The following MAN1A2 variants were observed in gnomAD, a reference collection of about 807,000 sequenced individuals.
MAN1A2 encodes the protein mannosyl-oligosaccharide 1,2-alpha-mannosidase IB.
In MAN1A2, 26 loss-of-function variants were observed where a neutral mutation model predicts 75.7. That is an observed-to-expected ratio of 0.34 (90% CI 0.25 to 0.48). MAN1A2 has a LOEUF of 0.48. MAN1A2 is among the 20% of genes least tolerant of loss of function. The probability of loss-of-function intolerance (pLI) is 0.99; values close to 1 mark genes in which losing one functional copy is unlikely to be tolerated. For synonymous variants in MAN1A2, 247 were observed against 264.6 expected (o/e 0.93, Z 0.65); for missense variants, 562 against 775.5 (o/e 0.72, Z 3.27).
chr1:117,414,047 C>T lies in MAN1A2; in HGVS notation c.656-666C>T, dbSNP rs1392855968. On this transcript the variant is annotated intron_variant, in intron 3 of 12. Transcript: ENST00000356554. ...TCCTCCCTTTCTCTCTTGCTTTCTT[C>T]CCCTCAGAACATTTTTTTAATGATA... is the stretch of plus-strand genomic sequence containing the variant. Among the ~76,000 whole-genome samples the T allele has an allele frequency of 4.0e-5, 6 of 151,618 alleles. No homozygotes were observed. In the South Asian group the frequency reaches 1.0e-3, roughly 26 times the overall value.
Position 117,528,633 on chromosome 1 carries a change from T to C in MAN1A2, c.*5676T>C, listed in dbSNP as rs1305307410. The C allele has an allele frequency of 6.6e-6, 1 of 152,106 alleles. No individual in the cohort carries two copies. The highest frequency in any genetic ancestry group is 6.6e-5 in the Admixed American group (1 of 15,250). The allele number at this position is 152,106 out of a possible 1,614,324, so 9.4% of individuals were successfully genotyped here. Reference sequence around the variant, plus strand: ...TAGAAGTTTTTGCTGAATTAAAGTATCTTCAATTTTAATTACTGGATTTGG... The same window carrying C: ...TAGAAGTTTTTGCTGAATTAAAGTACCTTCAATTTTAATTACTGGATTTGG... On this transcript the variant is annotated 3_prime_UTR_variant, in exon 13 of 13. Transcript: ENST00000356554.
At chr1:117,478,686 A>G (rs1650396955) in intron 8 of MAN1A2, among the ~76,000 whole-genome samples, 1 of 151,928 alleles carries the variant, frequency 6.6e-6, no homozygotes, top group Non-Finnish European at 1.5e-5. Context: ...TTTTCACTGC[A>G]TTGCCTTTGC....
Position 117,368,242 on chromosome 1 carries a change from G to C in MAN1A2, c.59G>C (p.Gly20Ala). The change falls in exon 1 of 13, where the codon GGG becomes GCG. Residue 20 changes from glycine (G) to alanine (A), a missense_variant. By Grantham distance (60) the Gly-to-Ala change is moderately conservative. This residue lies in a region of MAN1A2 where 128 missense variants were observed against 129.8 expected (regional missense o/e 0.99). Coordinates refer to ENST00000356554, the MANE Select transcript of MAN1A2 (RefSeq NM_006699.5). Reference protein sequence around the residue: ...SGRRIPPLNLGPPSFPHHRAT... With the variant: ...SGRRIPPLNLAPPSFPHHRAT... ...CGTAGGATACCACCTCTGAACCTGG[G>C]GCCGCCTTCCTTCCCACATCACAGG... 1 of 1,614,062 alleles carries C rather than the reference G, an allele frequency of 6.2e-7. No individual in the cohort carries two copies. Among genetic ancestry groups the C allele is most frequent in the South Asian group, 1.1e-5 (1 of 91,074 alleles).
chr1:117,514,325 T>C (rs1651644202), intron 12 of MAN1A2, among the ~76,000 whole-genome samples: 1 of 149,114 alleles, frequency 6.7e-6, no homozygotes, highest in African/African-American at 2.5e-5. Flanking sequence ...ATCATGCCAC[T>C]GCACTCCAGC....
intron 8 of MAN1A2, among the ~76,000 whole-genome samples, chr1:117,473,188 T>G (rs1442080520): frequency 6.7e-6 from 1 of 149,970 alleles, no homozygotes; most frequent in East Asian, 1.9e-4. Context: ...CCAGTCTTTC[T>G]CATTTCAGTT....
intron 3 of MAN1A2, among the ~76,000 whole-genome samples, chr1:117,414,512 T>C (rs1647924030): frequency 6.6e-6 from 1 of 151,480 alleles, no homozygotes; most frequent in Non-Finnish European, 1.5e-5. Context: ...TATTATCTAA[T>C]ATATACATAT....
At position 117,466,142 on chromosome 1, in the gene MAN1A2, A is replaced by G. The variant is rs577735893; in HGVS notation, c.1075-192A>G. Among the ~76,000 whole-genome samples, 22 of 152,232 alleles carry G rather than the reference A, an allele frequency of 1.4e-4. 1 individual carries two copies. Among genetic ancestry groups the G allele is most frequent in the African/African-American group, 4.8e-4 (20 of 41,578 alleles). On this transcript the variant is annotated intron_variant, in intron 7 of 12. Coordinates refer to ENST00000356554, the MANE Select transcript of MAN1A2 (RefSeq NM_006699.5). ...TGCTTGATTTTAAAATAATGAACAC[A>G]TATCATCTTATAAAAATGAGTCATT... is the stretch of plus-strand genomic sequence containing the variant.
intron 3 of MAN1A2, 85 bp from the exon 4 acceptor site, chr1:117,414,628 T>A: frequency 1.4e-6 from 1 of 702,352 alleles, no homozygotes; most frequent in Non-Finnish European, 2.6e-6. Context: ...ACACTGAATG[T>A]GAAGGGAATC....
intron 12 of MAN1A2, among the ~76,000 whole-genome samples, chr1:117,506,338 C>T (rs1052115355): frequency 4.6e-5 from 7 of 151,568 alleles, no homozygotes; most frequent in Middle Eastern, 3.4e-3. Flanking sequence ...GTATTCTTGA[C>T]GTAAGTTGAG....
chr1:117,384,761 A>G (rs1375483504), intron 1 of MAN1A2, among the ~76,000 whole-genome samples: 4 of 152,040 alleles, frequency 2.6e-5, no homozygotes, highest in Admixed American at 2.6e-4. Flanking sequence ...TTTAATGTAT[A>G]TATTTATAGT....
At chr1:117,380,533 T>C (rs544454415) in intron 1 of MAN1A2, among the ~76,000 whole-genome samples, 1 of 152,286 alleles carries the variant, frequency 6.6e-6, no homozygotes, top group Admixed American at 6.5e-5. Context: ...TCATGTTGAG[T>C]TAATTTTTGT....
At chr1:117,383,904 C>T (rs181289156) in intron 1 of MAN1A2, among the ~76,000 whole-genome samples, 1 of 152,202 alleles carries the variant, frequency 6.6e-6, no homozygotes, top group East Asian at 1.9e-4. Flanking sequence ...TACAGATGCA[C>T]ACATCAAACA....
At chr1:117,508,813 A>C (rs888547238) in intron 12 of MAN1A2, among the ~76,000 whole-genome samples, 1 of 151,810 alleles carries the variant, frequency 6.6e-6, no homozygotes, top group Admixed American at 6.6e-5. Context: ...TATTTCAACA[A>C]TATCAAAATG....
chr1:117,475,714 A>G (rs1570774220), intron 8 of MAN1A2, among the ~76,000 whole-genome samples: 1 of 152,124 alleles, frequency 6.6e-6, no homozygotes, highest in Non-Finnish European at 1.5e-5. Flanking sequence ...TTATGGCTGC[A>G]TAGTATTCCA....
chr1:117,509,766 G>A (rs1043987525), intron 12 of MAN1A2, among the ~76,000 whole-genome samples: 7 of 151,192 alleles, frequency 4.6e-5, no homozygotes, highest in African/African-American at 1.7e-4. Flanking sequence ...TATAAAAATA[G>A]CATGTGGATA....
intron 1 of MAN1A2, among the ~76,000 whole-genome samples, chr1:117,370,043 A>G (rs1056589986): frequency 6.6e-6 from 1 of 152,250 alleles, no homozygotes; most frequent in African/African-American, 2.4e-5. Context: ...AAAAACATTT[A>G]CACAAAAATT....
intron 5 of MAN1A2, among the ~76,000 whole-genome samples, chr1:117,424,781 A>G (rs1345597466): frequency 6.6e-6 from 1 of 152,082 alleles, no homozygotes; most frequent in Non-Finnish European, 1.5e-5. Flanking sequence ...TTTCTTCATA[A>G]AATCTTTGGG....
At chr1:117,428,113 AT>A (rs1160437910) in intron 5 of MAN1A2, among the ~76,000 whole-genome samples, 328 of 113,836 alleles carry the variant, frequency 2.9e-3, no homozygotes, top group Middle Eastern at 0.013. Flanking sequence ...CTCTCTCTCT[AT>A]TTTTTTTTTT....
chr1:117,405,888 A>AG (rs1204832915), intron 3 of MAN1A2, among the ~76,000 whole-genome samples: 2 of 152,112 alleles, frequency 1.3e-5, no homozygotes, highest in Non-Finnish European at 1.5e-5. Flanking sequence ...AGTATTTAAA[A>AG]GCTTTTTTTT....
Sources: gnomAD v4.1 joint callset for allele counts (sites outside exome capture counted in the v4.1 genomes callset) on GRCh38, gnomAD v4.1.1 for gene constraint, gnomAD v4.1.1 regional missense constraint, MANE v1.5 for transcripts, NCBI Gene and HGNC (gene_info 2026-07-23, HGNC 2026-07-21) for gene names.